Variants in LYPLAL1 observed in about 807,000 individuals in gnomAD.
LYPLAL1 encodes lysophospholipase-like protein 1.
LYPLAL1 carries 23 observed loss-of-function variants against 19.7 expected under a neutral mutation model. That is an observed-to-expected ratio of 1.17 (90% confidence interval 0.84 to 1.65). The LOEUF (loss-of-function observed/expected upper bound fraction) is 1.65. Ranked by LOEUF, LYPLAL1 falls within the 40% of genes most tolerant of loss-of-function variation. The pLI is 0.00. For synonymous variants in LYPLAL1, 119 were observed against 96.3 expected, an observed-to-expected ratio of 1.24 and a Z score of -1.38; for missense variants, 355 against 279.4, an observed-to-expected ratio of 1.27 and a Z score of -1.93.
At chr1:219,411,128 G>C in the LYPLAL1 span, among the ~76,000 whole-genome samples, 1 of 121,932 alleles carries the variant, frequency 8.2e-6, no homozygotes, top group Admixed American at 8.0e-5. Flanking sequence ...GTCTGGTGGG[G>C]ACGTGGAGAG....
the LYPLAL1 span, among the ~76,000 whole-genome samples, chr1:219,332,393 C>T: frequency 6.6e-6 from 1 of 152,166 alleles, no homozygotes; most frequent in African/African-American, 2.4e-5. Context: ...TTGCCTTCTT[C>T]AGCCCCAGAA....
chr1:219,256,304 A>T, the LYPLAL1 span, among the ~76,000 whole-genome samples: 1 of 151,962 alleles, frequency 6.6e-6, no homozygotes, highest in Admixed American at 6.6e-5. Flanking sequence ...AGAAATGTGT[A>T]CATTTTACCT....
chr1:219,385,640 T>C, the LYPLAL1 span, among the ~76,000 whole-genome samples: 21 of 152,026 alleles, frequency 1.4e-4, no homozygotes, highest in African/African-American at 5.1e-4. Flanking sequence ...TCCCATATTC[T>C]GCATTAGTTT....
chr1:219,245,467 A>G, the LYPLAL1 span, among the ~76,000 whole-genome samples: 1 of 152,178 alleles, frequency 6.6e-6, no homozygotes, highest in Non-Finnish European at 1.5e-5. Flanking sequence ...CCAACTCAAC[A>G]CAGGCATTGA....
intron 3 of LYPLAL1, among the ~76,000 whole-genome samples, chr1:219,202,655 C>T (rs1658209942): frequency 6.6e-6 from 1 of 152,108 alleles, no homozygotes; most frequent in South Asian, 2.1e-4. Flanking sequence ...ATTAAGCACA[C>T]ACAACCCATA....
chr1:219,193,010 G>T, intron 2 of LYPLAL1, 72 bp from the exon 3 acceptor site: 4 of 1,373,412 alleles, frequency 2.9e-6, no homozygotes, highest in Non-Finnish European at 3.9e-6. Flanking sequence ...CTATTATTTT[G>T]GTAATTAAAG....
intron 2 of LYPLAL1, among the ~76,000 whole-genome samples, chr1:219,181,472 CAT>C (rs1656276865): frequency 6.6e-6 from 1 of 152,144 alleles, no homozygotes; most frequent in Admixed American, 6.5e-5. Flanking sequence ...AGTAGCAAAA[CAT>C]AGAAGATTTC....
At chr1:219,197,253 C>T (rs575807035) in intron 3 of LYPLAL1, among the ~76,000 whole-genome samples, 1 of 152,260 alleles carries the variant, frequency 6.6e-6, no homozygotes, top group African/African-American at 2.4e-5. Flanking sequence ...AGTAACCAAA[C>T]AGCATGGCAC....
At chr1:219,310,198 T>C in the LYPLAL1 span, among the ~76,000 whole-genome samples, 1 of 152,162 alleles carries the variant, frequency 6.6e-6, no homozygotes, top group Non-Finnish European at 1.5e-5. Context: ...AAGATCAAAG[T>C]GACACACACT....
chr1:219,359,424 C>A, the LYPLAL1 span, among the ~76,000 whole-genome samples: 3 of 152,250 alleles, frequency 2.0e-5, no homozygotes, highest in Admixed American at 6.5e-5. Context: ...CATAAAACAA[C>A]CATTACTTTG....
In LYPLAL1 at chr1:219,208,774, G is replaced by T. The variant is rs944256708; in HGVS notation, c.362-1758G>T. On this transcript the variant is annotated intron_variant, in intron 3 of 4. Transcript: ENST00000366928. ...AATGTCTTCGCTTTACAACCCTCAT[G>T]ATGTTATTAAAGAGAAAACTTCATA... Among the ~76,000 whole-genome samples, 5 of 152,164 alleles carry T rather than the reference G, an allele frequency of 3.3e-5. No individual in the cohort carries two copies. The East Asian group carries it at 9.7e-4, about 29-fold the overall frequency.
the LYPLAL1 span, chr1:219,412,026 C>G: frequency 6.6e-6 from 1 of 152,160 alleles, no homozygotes; most frequent in Non-Finnish European, 1.5e-5. Flanking sequence ...GTTAGAGACT[C>G]CCTATTTCAT....
chr1:219,201,168 T>C (rs1658066082), intron 3 of LYPLAL1, among the ~76,000 whole-genome samples: 1 of 152,224 alleles, frequency 6.6e-6, no homozygotes, highest in Non-Finnish European at 1.5e-5. Context: ...TTTTAATTTG[T>C]GCTTAATTTG....
At chr1:219,346,600 A>G in the LYPLAL1 span, among the ~76,000 whole-genome samples, 127,285 of 152,052 alleles carry the variant, frequency 0.84, 54,075 homozygotes, top group East Asian at 0.97. Flanking sequence ...AGATAGGGAT[A>G]CTGGCAGAGA....
the LYPLAL1 span, among the ~76,000 whole-genome samples, chr1:219,440,597 T>A: frequency 6.6e-6 from 1 of 152,186 alleles, no homozygotes; most frequent in African/African-American, 2.4e-5. Context: ...ATATTTAAAT[T>A]TCTTAGTTAA....
At chr1:219,229,427 G>A in the LYPLAL1 span, among the ~76,000 whole-genome samples, 1 of 151,972 alleles carries the variant, frequency 6.6e-6, no homozygotes, top group Non-Finnish European at 1.5e-5. Flanking sequence ...CCGGCGAAAA[G>A]CATCTCTCTT....
At chr1:219,406,371 G>C in the LYPLAL1 span, among the ~76,000 whole-genome samples, 1 of 152,116 alleles carries the variant, frequency 6.6e-6, no homozygotes, top group Non-Finnish European at 1.5e-5. Flanking sequence ...TTATCTCTGT[G>C]GTTCAGGTGT....
chr1:219,309,718 G>A, the LYPLAL1 span, among the ~76,000 whole-genome samples: 1 of 152,074 alleles, frequency 6.6e-6, no homozygotes, highest in Non-Finnish European at 1.5e-5. Context: ...ATGATTCTGA[G>A]GCCTCCCCAG....
At chr1:219,193,284 G>C in intron 3 of LYPLAL1, 33 bp downstream of exon 3, 1 of 1,551,704 alleles carries the variant, frequency 6.4e-7, no homozygotes, top group Non-Finnish European at 8.8e-7. Flanking sequence ...ATTTATCACT[G>C]TTCACTTTTG....
Sources: gnomAD v4.1 joint callset for allele counts (sites outside exome capture counted in the v4.1 genomes callset) on GRCh38, gnomAD v4.1.1 for gene constraint, MANE v1.5 for transcripts, NCBI Gene and HGNC (gene_info 2026-07-23, HGNC 2026-07-21) for gene names.